The following TYK2 variants were observed in gnomAD, a reference collection of about 807,000 sequenced individuals.
TYK2 encodes the protein tyrosine kinase 2.
TYK2 carries 65 observed loss-of-function variants against 130.9 expected under a neutral mutation model. The ratio of observed to expected loss-of-function variants is 0.50; its 90% CI spans 0.41 to 0.61. The LOEUF (loss-of-function observed/expected upper bound fraction) is 0.61. Among genes scored for constraint, TYK2 ranks in the 20% least tolerant of loss-of-function variants. The pLI, the probability that TYK2 is intolerant of heterozygous loss-of-function variation, is 0.00. For missense variants in TYK2, 1,378 were observed against 1,610.7 expected (o/e 0.86, Z 2.47); for synonymous variants, 647 against 658.9 (o/e 0.98, Z 0.28).
In TYK2 at chr19:10,380,549, C is replaced by G. The variant is rs1172404717; in HGVS notation, c.-355G>C. On this transcript the variant is annotated 5_prime_UTR_variant, in exon 1 of 25. Coordinates refer to ENST00000525621, the MANE Select transcript of TYK2 (RefSeq NM_003331.5). ...ACAAGCTCGAACCCGGACCCCTCCC[C>G]GCTCCCGCGGGTAGCTACTGCTTGT... The G allele has an allele frequency of 6.6e-6, 1 of 152,504 alleles. No homozygotes were observed. The highest frequency in any genetic ancestry group is 2.1e-4 in the South Asian group (1 of 4,858). 9.4% of individuals were successfully genotyped at this position (152,504 alleles called of 1,614,324 possible).
intron 3 of TYK2, among the ~76,000 whole-genome samples, chr19:10,377,427 GATGGATGGATGGATAGATGGATGA>G (rs1455684029): frequency 1.4e-5 from 2 of 147,000 alleles, no homozygotes; most frequent in Non-Finnish European, 3.0e-5. Flanking sequence ...TGGATGGATG[GATGGATGGATGGATAGATGGATGA>G]ATGGGTGGGA....
intron 9 of TYK2, among the ~76,000 whole-genome samples, chr19:10,363,791 G>C (rs1363364774): frequency 2.6e-5 from 4 of 152,188 alleles, no homozygotes; most frequent in Admixed American, 1.3e-4. Flanking sequence ...TGACACACGT[G>C]GTCCCCAAAC....
intron 3 of TYK2, among the ~76,000 whole-genome samples, chr19:10,376,962 C>T (rs113915245): frequency 3.1e-4 from 47 of 152,088 alleles, no homozygotes; most frequent in African/African-American, 3.6e-4. Context: ...AGTGCAGTGA[C>T]GAAACCATAC....
chr19:10,353,157 G>A lies in TYK2; in HGVS notation c.3028-59C>T. 2.1e-6 allele frequency: 3 copies of A among 1,405,806 alleles called. No individual in the cohort carries two copies. Among genetic ancestry groups the A allele is most frequent in the South Asian group, 1.5e-5 (1 of 66,432 alleles). The allele number at this position is 1,405,806 out of a possible 1,614,324, so 87.1% of individuals were successfully genotyped here. On this transcript the variant is annotated intron_variant, in intron 21 of 24. Transcript: ENST00000525621. The surrounding 1 kb of genome is among the most constrained non-coding windows in gnomAD (Gnocchi z 6.9). Reference sequence around the variant, plus strand: ...GGGCGGGGTTCGGCCGGGGGCGGCGGCAGGACCTGAGCAGCCAGGAGGGCT... The same window carrying A: ...GGGCGGGGTTCGGCCGGGGGCGGCGACAGGACCTGAGCAGCCAGGAGGGCT...
chr19:10,377,560 A>G (rs1472881300), intron 3 of TYK2, among the ~76,000 whole-genome samples: 5 of 72,304 alleles, frequency 6.9e-5, no homozygotes, highest in Admixed American at 1.7e-4. Context: ...GGGTGGGTGG[A>G]TGGATGGGTG....
rs2041266947 is a variant in TYK2, at chr19:10,359,224, G to A, written c.2126C>T (p.Ala709Val). 6.2e-7 allele frequency: 1 copy of A among 1,609,608 alleles called. No homozygotes were observed. Among genetic ancestry groups the A allele is most frequent in the Non-Finnish European group, 8.5e-7 (1 of 1,179,932 alleles). Residue 709 changes from alanine (A) to valine (V), a missense_variant, in exon 15 of 25, where the codon GCT becomes GTT. Ala to Val is a moderately conservative substitution (Grantham distance 64). Transcript: ENST00000525621. ...CTGCTGGGCCACCACCATCTTCCAA[G>A]CCATGGGCACATGGCCCCGCTCCCT... ...LRRERGHVPM[A>V]WKMVVAQQLA...
intron 7 of TYK2, 100 bp from the exon 8 acceptor site, chr19:10,365,148 C>G: frequency 1.5e-6 from 2 of 1,364,400 alleles, no homozygotes; most frequent in South Asian, 2.9e-5. Flanking sequence ...AAGGGCCAGG[C>G]ACCAACCTAG....
chr19:10,373,933 G>A (rs537144502), intron 3 of TYK2, among the ~76,000 whole-genome samples: 17 of 152,150 alleles, frequency 1.1e-4, no homozygotes, highest in Non-Finnish European at 2.2e-4. Flanking sequence ...TCTGCTGAGC[G>A]TGTTTCACAT....
At chr19:10,379,891 C>T (rs2042305799) in intron 1 of TYK2, 112 bp from the exon 2 acceptor site, 1 of 152,342 alleles carries the variant, frequency 6.6e-6, no homozygotes, top group Non-Finnish European at 1.5e-5. Flanking sequence ...TCCTCTCCCA[C>T]ATTTACCCCC....
At chr19:10,358,294 G>GT (rs770531180) in intron 15 of TYK2, among the ~76,000 whole-genome samples, 156 bp from the exon 16 acceptor site, 4,260 of 91,360 alleles carry the variant, frequency 0.047, 188 homozygotes, top group African/African-American at 0.11. Flanking sequence ...TTTTTTTCTT[G>GT]TTTTTTTTTT....
intron 3 of TYK2, chr19:10,369,710 G>A (rs1163528337): frequency 2.2e-6 from 1 of 453,594 alleles, no homozygotes; most frequent in East Asian, 7.0e-5. Context: ...TCCCACACCA[G>A]CTACCCAGGG....
intron 23 of TYK2, 42 bp from the exon 24 acceptor site, chr19:10,351,204 A>T (rs1308259517): frequency 3.9e-6 from 6 of 1,544,600 alleles, no homozygotes; most frequent in Non-Finnish European, 5.3e-6. Flanking sequence ...GAGGCAATGA[A>T]AGGCAGGCAC....
At chr19:10,378,833 ATATCTTATCT>A (rs58371844) in intron 2 of TYK2, among the ~76,000 whole-genome samples, 64,456 of 148,568 alleles carry the variant, frequency 0.43, 14,253 homozygotes, top group East Asian at 0.52. Context: ...GTTTTATTTT[ATATCTTATCT>A]TATCTTATCT....
chr19:10,360,007 T>C (rs1044653678), intron 14 of TYK2, among the ~76,000 whole-genome samples: 10 of 143,044 alleles, frequency 7.0e-5, no homozygotes, highest in Admixed American at 1.4e-4. Context: ...CAAGACTCCA[T>C]CTCAAAAAGA....
chr19:10,368,480 C>A, intron 3 of TYK2, 62 bp from the exon 4 acceptor site: 1 of 1,610,738 alleles, frequency 6.2e-7, no homozygotes, highest in Non-Finnish European at 8.5e-7. Flanking sequence ...CCCCAAAGAC[C>A]CCCCAGACCC....
At chr19:10,351,220 C>A (rs1209075879) in intron 23 of TYK2, 58 bp from the exon 24 acceptor site, 9 of 1,395,994 alleles carry the variant, frequency 6.4e-6, no homozygotes, top group Non-Finnish European at 9.1e-6. Flanking sequence ...GGCACGGTGG[C>A]TCATGCCTGT....
chr19:10,359,868 A>T lies in TYK2; in HGVS notation c.2048-566T>A, dbSNP rs12720290. On this transcript the variant is annotated intron_variant, in intron 14 of 24. Coordinates refer to ENST00000525621, the MANE Select transcript of TYK2 (RefSeq NM_003331.5). Reference sequence around the variant, plus strand: ...CCCATCTCTACTAAAAAGACAAAAAAATTAGCCAGGCATGGTGGTGGGCGC... The same window carrying T: ...CCCATCTCTACTAAAAAGACAAAAATATTAGCCAGGCATGGTGGTGGGCGC... Among the ~76,000 whole-genome samples, 1,197 of 152,020 alleles carry T rather than the reference A, an allele frequency of 7.9e-3. 14 individuals carry two copies. The highest frequency in any genetic ancestry group is 0.027 in the African/African-American group (1,120 of 41,464).
chr19:10,366,377 C>A (rs748946531), intron 6 of TYK2, 40 bp downstream of exon 6: 1 of 1,593,184 alleles, frequency 6.3e-7, no homozygotes, highest in South Asian at 1.1e-5. Context: ...CAGGACATTT[C>A]CCCCTGCCTA....
chr19:10,365,611 T>C lies in TYK2; in HGVS notation c.917A>G (p.Glu306Gly). 1.2e-6 allele frequency: 2 copies of C among 1,613,968 alleles called. No homozygotes were observed. Among genetic ancestry groups the C allele is most frequent in the Non-Finnish European group, 1.7e-6 (2 of 1,179,976 alleles). Residue 306 changes from glutamate to glycine, a missense_variant, in exon 7 of 25, where the codon GAG becomes GGG. By Grantham distance (98) the Glu-to-Gly change is moderately conservative (BLOSUM62 -2). Transcript: ENST00000525621. ...GTGGGTTGGGGGCCCAGCAGCAGAC[T>C]CAGGGCCAGGGTCTGTAGGGGCCAC... ...SGVAPTDPGPESAAGPPTHEV... is the reference protein window; with the variant it reads ...SGVAPTDPGPGSAAGPPTHEV...
Sources: gnomAD v4.1 joint callset for allele counts (sites outside exome capture counted in the v4.1 genomes callset) on GRCh38, gnomAD v4.1.1 for gene constraint, Gnocchi (gnomAD v3.1) non-coding constraint, MANE v1.5 for transcripts, NCBI Gene and HGNC (gene_info 2026-07-23, HGNC 2026-07-21) for gene names.